Variants in SDK1 observed in about 807,000 individuals in gnomAD.
The protein encoded by SDK1 is protein sidekick-1.
In SDK1, 157 loss-of-function variants were observed where a neutral mutation model predicts 245.5. The observed-to-expected ratio is 0.64, with a 90% CI of 0.56 to 0.73. SDK1 has a LOEUF of 0.73. SDK1 is among the 30% of genes least tolerant of loss of function. The pLI is 0.00. For synonymous variants in SDK1, 1,647 were observed against 1,278.5 expected (o/e 1.29, Z -6.15); for missense variants, 3,583 against 3,002.3 (o/e 1.19, Z -4.52).
At chr7:4,081,164 C>T (rs913290265) in intron 22 of SDK1, among the ~76,000 whole-genome samples, 6 of 152,184 alleles carry the variant, frequency 3.9e-5, no homozygotes, top group African/African-American at 1.4e-4. Flanking sequence ...GCCACAGCGA[C>T]AGAAACGCCA....
intron 35 of SDK1, 47 bp from the exon 36 acceptor site, chr7:4,205,832 G>C (rs754356867): frequency 6.8e-7 from 1 of 1,463,428 alleles, no homozygotes; most frequent in Non-Finnish European, 9.4e-7. Flanking sequence ...GTCCGGGCCG[G>C]CTCTGAATGA....
At chr7:3,532,765 G>C (rs1002083332) in intron 1 of SDK1, among the ~76,000 whole-genome samples, 2 of 152,162 alleles carry the variant, frequency 1.3e-5, no homozygotes, top group Non-Finnish European at 2.9e-5. Context: ...TGCATTCGAA[G>C]GGTGACTAAA....
At chr7:3,732,468 T>C (rs1306902342) in intron 4 of SDK1, among the ~76,000 whole-genome samples, 1 of 152,246 alleles carries the variant, frequency 6.6e-6, no homozygotes, top group Admixed American at 6.5e-5. Context: ...TTCATATTTA[T>C]AGCATTTGCA....
intron 5 of SDK1, among the ~76,000 whole-genome samples, chr7:3,858,756 A>G (rs6972129): frequency 0.053 from 7,979 of 151,556 alleles, 679 homozygotes; most frequent in African/African-American, 0.18. Flanking sequence ...AACATCAACT[A>G]ATAAATTTGT....
chr7:4,217,440 AACCACACCACCCGGAGC>A (rs1433512124), intron 38 of SDK1, among the ~76,000 whole-genome samples: 17 of 71,244 alleles, frequency 2.4e-4, no homozygotes, highest in East Asian at 4.0e-4. Flanking sequence ...CCACTCGGAG[AACCACACCACCCGGAGC>A]ACCACACCAC....
intron 5 of SDK1, among the ~76,000 whole-genome samples, chr7:3,841,738 T>C (rs1035258387): frequency 2.6e-5 from 4 of 152,010 alleles, no homozygotes; most frequent in Non-Finnish European, 5.9e-5. Context: ...AATTTTTGTA[T>C]TCTTAATAGA....
At chr7:3,598,604 C>G (rs1262116994) in intron 1 of SDK1, among the ~76,000 whole-genome samples, 1 of 152,190 alleles carries the variant, frequency 6.6e-6, no homozygotes, top group Non-Finnish European at 1.5e-5. Context: ...AATTGTCACA[C>G]CTTCCTCATT....
chr7:3,866,693 T>A (rs73312028), intron 5 of SDK1, among the ~76,000 whole-genome samples: 3,681 of 152,110 alleles, frequency 0.024, 137 homozygotes, highest in African/African-American at 0.084. Context: ...AGACTGAGCA[T>A]TGATTGTGAG....
intron 1 of SDK1, among the ~76,000 whole-genome samples, chr7:3,453,112 A>T (rs1435776363): frequency 1.3e-5 from 2 of 152,072 alleles, no homozygotes; most frequent in Non-Finnish European, 2.9e-5. Context: ...ACTGGTGTCT[A>T]GAACTTTGAG....
At chr7:3,576,826 T>C (rs548184119) in intron 1 of SDK1, among the ~76,000 whole-genome samples, 3 of 152,192 alleles carry the variant, frequency 2.0e-5, no homozygotes, top group African/African-American at 4.8e-5. Flanking sequence ...TTGTAAATTA[T>C]ATACAGTGCA....
At chr7:4,129,228 T>G (rs1284695228) in intron 26 of SDK1, among the ~76,000 whole-genome samples, 3 of 94,516 alleles carry the variant, frequency 3.2e-5, no homozygotes, top group African/African-American at 8.3e-5. Flanking sequence ...TCCCCTGGAA[T>G]AGAGCAGCTT....
intron 1 of SDK1, among the ~76,000 whole-genome samples, chr7:3,435,039 A>G (rs1779977784): frequency 6.6e-6 from 1 of 152,228 alleles, no homozygotes; most frequent in Admixed American, 6.5e-5. Context: ...ATACAAAGTT[A>G]TATCCCAAAA....
chr7:3,592,719 G>T (rs1037077446), intron 1 of SDK1, among the ~76,000 whole-genome samples: 1 of 152,144 alleles, frequency 6.6e-6, no homozygotes, highest in Non-Finnish European at 1.5e-5. Flanking sequence ...TGGGAATCCT[G>T]CTTGGGTAAA....
chr7:3,784,197 G>A (rs1780833470), intron 4 of SDK1, among the ~76,000 whole-genome samples: 1 of 151,462 alleles, frequency 6.6e-6, no homozygotes, highest in Admixed American at 6.6e-5. Flanking sequence ...GGTATTACAG[G>A]CATGACCCCC....
intron 4 of SDK1, among the ~76,000 whole-genome samples, chr7:3,689,998 G>C (rs1784400918): frequency 6.6e-6 from 1 of 152,180 alleles, no homozygotes; most frequent in African/African-American, 2.4e-5. Context: ...GAGTTGTTAA[G>C]CTACAAAATA....
chr7:3,964,048 G>C (rs1401161429), intron 9 of SDK1, among the ~76,000 whole-genome samples: 1 of 152,286 alleles, frequency 6.6e-6, no homozygotes, highest in African/African-American at 2.4e-5. Context: ...GATGTATCCA[G>C]TGGGTACACC....
At chr7:3,582,992 C>A (rs1261729181) in intron 1 of SDK1, among the ~76,000 whole-genome samples, 1 of 152,180 alleles carries the variant, frequency 6.6e-6, no homozygotes, top group Admixed American at 6.5e-5. Flanking sequence ...AAGTGTGCTG[C>A]AGAGTGCATT....
At chr7:3,943,635 T>C (rs996755138) in intron 5 of SDK1, among the ~76,000 whole-genome samples, 1 of 151,496 alleles carries the variant, frequency 6.6e-6, no homozygotes, top group African/African-American at 2.4e-5. Flanking sequence ...GGGGCTGCCG[T>C]GGAAGGGGCG....
intron 1 of SDK1, among the ~76,000 whole-genome samples, chr7:3,466,203 T>C (rs1483658364): frequency 6.6e-6 from 1 of 151,656 alleles, no homozygotes; most frequent in African/African-American, 2.4e-5. Context: ...GTTATTGGAA[T>C]AGGGAGAGCC....
Sources: gnomAD v4.1 joint callset for allele counts (sites outside exome capture counted in the v4.1 genomes callset) on GRCh38, gnomAD v4.1.1 for gene constraint, MANE v1.5 for transcripts, NCBI Gene and HGNC (gene_info 2026-07-23, HGNC 2026-07-21) for gene names.